Variants in SLC39A11 observed in about 807,000 individuals in gnomAD.
SLC39A11 encodes zinc transporter ZIP11.
A neutral mutation model predicts 36.1 loss-of-function variants in SLC39A11; 33 were observed. The ratio of observed to expected loss-of-function variants is 0.91; its 90% CI spans 0.69 to 1.22. SLC39A11 has a LOEUF of 1.22. Ranked by LOEUF, SLC39A11 falls within the 50% of genes most tolerant of loss-of-function variation. The probability of loss-of-function intolerance (pLI) is 0.00; values close to 1 mark genes in which losing one functional copy is unlikely to be tolerated. For synonymous variants in SLC39A11, 166 were observed against 170.3 expected (o/e 0.97, Z 0.20); for missense variants, 432 against 430.3 (o/e 1.00, Z -0.03).
chr17:72,855,478 C>A (rs1027732049), intron 5 of SLC39A11, among the ~76,000 whole-genome samples: 1 of 152,160 alleles, frequency 6.6e-6, no homozygotes, highest in African/African-American at 2.4e-5. Flanking sequence ...CTGTTAAGTG[C>A]AGAAAGCATC....
chr17:72,800,303 A>ATTTTTTTTTTTTTTTTTTTTT (rs34172959), intron 6 of SLC39A11, among the ~76,000 whole-genome samples: 1 of 90,368 alleles, frequency 1.1e-5, no homozygotes, highest in Non-Finnish European at 2.3e-5. Context: ...ACCTACAATA[A>ATTTTTTTTTTTTTTTTTTTTT]TTTTTTTTTT....
intron 4 of SLC39A11, among the ~76,000 whole-genome samples, chr17:73,006,173 G>A (rs1304489506): frequency 6.6e-6 from 1 of 152,138 alleles, no homozygotes; most frequent in Non-Finnish European, 1.5e-5. Flanking sequence ...TCCATGAGAT[G>A]AGATTAAAAG....
In SLC39A11 at chr17:72,648,874, G is replaced by A. The variant is rs36041371; in HGVS notation, c.858C>T (p.Tyr286=). 3,491 of 1,614,146 alleles carry A rather than the reference G, an allele frequency of 2.2e-3. 50 individuals are homozygous for A. In the East Asian group the frequency reaches 0.03, roughly 14 times the overall value. ...AVVLAEPILP[Y]ALAFAAGAMV... ...TGGCACCGGCAGCAAAGGCCAGAGC[G>A]TAGGGCAGGATGGGCTCAGCCAGCA... Residue 286 remains tyrosine (Y), a synonymous_variant, in exon 9 of 10, where the codon TAC becomes TAT. Transcript: ENST00000255559.
At chr17:72,673,100 G>T (rs1313937322) in intron 7 of SLC39A11, among the ~76,000 whole-genome samples, 1 of 151,860 alleles carries the variant, frequency 6.6e-6, no homozygotes, top group Non-Finnish European at 1.5e-5. Context: ...CTCTCTTTTT[G>T]TTGTTGTTGT....
intron 7 of SLC39A11, among the ~76,000 whole-genome samples, chr17:72,719,233 A>G (rs1598437234): frequency 6.6e-6 from 1 of 151,706 alleles, no homozygotes; most frequent in East Asian, 1.9e-4. Flanking sequence ...GACAACAAAG[A>G]CTCTATCTCA....
chr17:72,830,666 T>C (rs1394171148), intron 6 of SLC39A11, among the ~76,000 whole-genome samples: 3 of 152,062 alleles, frequency 2.0e-5, no homozygotes, highest in Admixed American at 6.5e-5. Context: ...CTGAGTCTTT[T>C]AGGACTAAAC....
At chr17:72,854,807 G>A (rs1375831779) in intron 5 of SLC39A11, among the ~76,000 whole-genome samples, 1 of 152,178 alleles carries the variant, frequency 6.6e-6, no homozygotes, top group Non-Finnish European at 1.5e-5. Flanking sequence ...GGGTGAGGAC[G>A]ACAATAAAAC....
intron 5 of SLC39A11, among the ~76,000 whole-genome samples, chr17:72,878,674 A>G (rs1466991658): frequency 1.3e-5 from 2 of 152,180 alleles, no homozygotes; most frequent in African/African-American, 4.8e-5. Flanking sequence ...ATAAAATCCC[A>G]TAATATTTTT....
At chr17:72,850,393 G>A (rs985343957) in intron 5 of SLC39A11, among the ~76,000 whole-genome samples, 7 of 151,954 alleles carry the variant, frequency 4.6e-5, no homozygotes, top group Non-Finnish European at 7.4e-5. Context: ...AGTTGAGGCT[G>A]CAGTGAGTTG....
intron 2 of SLC39A11, among the ~76,000 whole-genome samples, chr17:73,087,565 T>C (rs773079701): frequency 6.6e-6 from 1 of 152,088 alleles, no homozygotes; most frequent in African/African-American, 2.4e-5. Flanking sequence ...GAGAAAAGAA[T>C]GCAATTTCAG....
intron 5 of SLC39A11, among the ~76,000 whole-genome samples, chr17:72,882,225 G>T (rs369061749): frequency 6.6e-6 from 1 of 151,994 alleles, no homozygotes; most frequent in Non-Finnish European, 1.5e-5. Context: ...GCATGGTGGT[G>T]CACGTCTGTA....
At chr17:72,806,345 G>C (rs920255396) in intron 6 of SLC39A11, among the ~76,000 whole-genome samples, 6 of 152,126 alleles carry the variant, frequency 3.9e-5, no homozygotes, top group East Asian at 1.9e-4. Flanking sequence ...TTTTTCCTCA[G>C]AACTTTGAAA....
At chr17:72,992,091 C>T (rs910028999) in intron 4 of SLC39A11, among the ~76,000 whole-genome samples, 3 of 152,148 alleles carry the variant, frequency 2.0e-5, no homozygotes, top group Non-Finnish European at 2.9e-5. Context: ...GCGGCTCACA[C>T]CTGTAATCCC....
chr17:72,651,775 C>T (rs1598220489), intron 7 of SLC39A11, among the ~76,000 whole-genome samples: 1 of 152,178 alleles, frequency 6.6e-6, no homozygotes, highest in Admixed American at 6.5e-5. Flanking sequence ...CTGACAGAAG[C>T]ATTGAGCCTG....
At chr17:73,017,782 G>C (rs1250936864) in intron 4 of SLC39A11, among the ~76,000 whole-genome samples, 2 of 152,106 alleles carry the variant, frequency 1.3e-5, no homozygotes, top group Non-Finnish European at 2.9e-5. Flanking sequence ...AATTTGCAGA[G>C]TAGGATACCA....
chr17:72,698,192 T>C (rs1205285897), intron 7 of SLC39A11, among the ~76,000 whole-genome samples: 2 of 152,144 alleles, frequency 1.3e-5, no homozygotes, highest in Admixed American at 1.3e-4. Context: ...GGGGACTGCT[T>C]TGCAAGTTAA....
At chr17:72,692,248 C>T (rs7503857) in intron 7 of SLC39A11, among the ~76,000 whole-genome samples, 11 of 152,236 alleles carry the variant, frequency 7.2e-5, no homozygotes, top group Admixed American at 6.5e-4. Flanking sequence ...CCTGACCTTG[C>T]GAACCACCCG....
chr17:72,750,412 G>A (rs1214779924), intron 6 of SLC39A11, among the ~76,000 whole-genome samples: 1 of 138,006 alleles, frequency 7.2e-6, no homozygotes, highest in Non-Finnish European at 1.6e-5. Flanking sequence ...CTTGACTATG[G>A]AATACCTCTG....
At chr17:72,695,236 C>T (rs981395203) in intron 7 of SLC39A11, among the ~76,000 whole-genome samples, 1 of 152,210 alleles carries the variant, frequency 6.6e-6, no homozygotes, top group African/African-American at 2.4e-5. Flanking sequence ...TCTCTACCCC[C>T]ACTCCTCCCT....
Sources: gnomAD v4.1 joint callset for allele counts (sites outside exome capture counted in the v4.1 genomes callset) on GRCh38, gnomAD v4.1.1 for gene constraint, MANE v1.5 for transcripts, NCBI Gene and HGNC (gene_info 2026-07-23, HGNC 2026-07-21) for gene names.